TGS1: variants seen among roughly 807,000 people sequenced by gnomAD.
TGS1 encodes the protein trimethylguanosine synthase 1.
Under a neutral mutation model 92.2 loss-of-function variants are expected in TGS1, and 69 were observed. The ratio of observed to expected loss-of-function variants is 0.75; its 90% CI spans 0.62 to 0.91. The LOEUF is 0.91. TGS1 is among the 40% of genes least tolerant of loss of function. TGS1 has a pLI of 0.00. For missense variants in TGS1, 1,062 were observed against 1,001.2 expected (o/e 1.06, Z -0.82); for synonymous variants, 345 against 338.1 (o/e 1.02, Z -0.22).
At position 55,786,911 on chromosome 8, in the gene TGS1, C is replaced by G; in HGVS notation, c.1013C>G (p.Ser338Cys). ...SEEVTQSQLD[S>C]CTSHDGHQQL... ...GAAGTAACACAGAGCCAATTAGATT[C>G]CTGTACAAGTCATGATGGTCATCAA... Residue 338 changes from serine to cysteine, a missense_variant, in exon 4 of 13, where the codon TCC becomes TGC. Coordinates refer to ENST00000260129, the MANE Select transcript of TGS1 (RefSeq NM_024831.8). The G allele has an allele frequency of 6.2e-7, 1 of 1,614,078 alleles. No homozygotes were observed. Among genetic ancestry groups the G allele is most frequent in the Middle Eastern group, 1.6e-4 (1 of 6,062 alleles).
chr8:55,787,592 T>C (rs372349877), intron 4 of TGS1, among the ~76,000 whole-genome samples: 5 of 152,188 alleles, frequency 3.3e-5, no homozygotes, highest in East Asian at 3.8e-4. Context: ...CCTGAATAAC[T>C]GATCCAAAAA....
At chr8:55,783,182 G>T (rs1295794010) in intron 2 of TGS1, among the ~76,000 whole-genome samples, 1 of 152,160 alleles carries the variant, frequency 6.6e-6, no homozygotes, top group Non-Finnish European at 1.5e-5. Flanking sequence ...ATTTTGGGAG[G>T]CCAAGGCAAG....
Position 55,824,896 on chromosome 8 carries a change from A to T in TGS1, c.*193A>T. ...TGAATAATTCCTTTAGAGGAATTAT[A>T]CAAAATTAATATATATGAGTCCTTT... On this transcript the variant is annotated 3_prime_UTR_variant, in exon 13 of 13. Transcript: ENST00000260129. 5.0e-6 allele frequency: 3 copies of T among 604,274 alleles called. No individual in the cohort carries two copies. The highest frequency in any genetic ancestry group is 8.3e-6 in the Non-Finnish European group (3 of 362,308). 37.4% of individuals were successfully genotyped at this position (604,274 alleles called of 1,614,324 possible). A position where few individuals can be genotyped will look rare whatever the true frequency, so the allele number is the denominator to read the frequency against.
Position 55,780,872 on chromosome 8 carries a change from GGCCAGAGTTCCCAGTGGGGAACT to G in TGS1, c.102-1875_102-1853del, listed in dbSNP as rs1296967283. ...TTGGTGCTGATATTGTCTCTGATTT[GGCCAGAGTTCCCAGTGGGGAACT>G]CTTTGAAGTGGCTCCTGTGTCCTTT... On this transcript the variant is annotated intron_variant, in intron 1 of 12. Coordinates refer to ENST00000260129, the MANE Select transcript of TGS1 (RefSeq NM_024831.8). Among the ~76,000 whole-genome samples the G allele has an allele frequency of 3.3e-5, 5 of 152,108 alleles. No homozygotes were observed. In the East Asian group the frequency reaches 9.6e-4, roughly 29 times the overall value.
At chr8:55,788,652 C>T (rs766382626) in intron 4 of TGS1, among the ~76,000 whole-genome samples, 3 of 151,782 alleles carry the variant, frequency 2.0e-5, no homozygotes, top group Non-Finnish European at 4.4e-5. Flanking sequence ...TTAGTAGATA[C>T]GGGGTTTCAC....
chr8:55,776,361 A>C (rs1399564952), intron 1 of TGS1, among the ~76,000 whole-genome samples: 3 of 150,170 alleles, frequency 2.0e-5, no homozygotes, highest in Non-Finnish European at 3.0e-5. Flanking sequence ...GCTCACTGCA[A>C]GCTCCACCCC....
intron 1 of TGS1, among the ~76,000 whole-genome samples, chr8:55,780,012 A>G (rs1427083193): frequency 6.6e-6 from 1 of 151,698 alleles, no homozygotes; most frequent in Non-Finnish European, 1.5e-5. Flanking sequence ...CCACACTACC[A>G]CACCCAGCTA....
intron 1 of TGS1, among the ~76,000 whole-genome samples, chr8:55,780,445 G>C (rs1811531827): frequency 6.6e-6 from 1 of 152,156 alleles, no homozygotes; most frequent in Admixed American, 6.6e-5. Context: ...CCACAGAAAT[G>C]ATGCTATGCC....
chr8:55,798,502 A>G (rs141062175), intron 7 of TGS1, among the ~76,000 whole-genome samples: 169 of 152,328 alleles, frequency 1.1e-3, no homozygotes, highest in African/African-American at 4.0e-3. Flanking sequence ...CATAGATTGT[A>G]GCTTGACCAT....
At chr8:55,813,358 T>C (rs891113292) in intron 12 of TGS1, among the ~76,000 whole-genome samples, 1 of 152,246 alleles carries the variant, frequency 6.6e-6, no homozygotes, top group Non-Finnish European at 1.5e-5. Flanking sequence ...ACTAGACATA[T>C]TGAAAGGATG....
chr8:55,794,865 C>CAGA (rs1811995953), intron 6 of TGS1, among the ~76,000 whole-genome samples: 2 of 152,162 alleles, frequency 1.3e-5, no homozygotes, highest in African/African-American at 4.8e-5. Flanking sequence ...TCCTACTTAT[C>CAGA]TGTTTCATAA....
chr8:55,775,102 A>T (rs568334559), intron 1 of TGS1, among the ~76,000 whole-genome samples: 60 of 151,418 alleles, frequency 4.0e-4, no homozygotes, highest in African/African-American at 5.8e-4. Context: ...TTTTTTTTTA[A>T]AATTAGCCAG....
intron 1 of TGS1, among the ~76,000 whole-genome samples, chr8:55,778,034 G>C (rs1272500916): frequency 6.6e-6 from 1 of 152,096 alleles, no homozygotes; most frequent in African/African-American, 2.4e-5. Flanking sequence ...TACTTCAGGA[G>C]GTTGAGACAG....
intron 11 of TGS1, 51 bp downstream of exon 11, chr8:55,811,148 A>C (rs2130227853): frequency 1.2e-6 from 1 of 840,792 alleles, no homozygotes; most frequent in Non-Finnish European, 1.8e-6. Context: ...TGTGGAGAGA[A>C]AGGAGCATGA....
chr8:55,824,929 A>T lies in TGS1; in HGVS notation c.*226A>T, dbSNP rs1026474510. On this transcript the variant is annotated 3_prime_UTR_variant, in exon 13 of 13. Transcript: ENST00000260129. ...AATATATATGAGTCCTTTGTAATTT[A>T]TTTTTTTTTGAGACAGGATCTCACT... is the stretch of plus-strand genomic sequence containing the variant. 12 of 424,784 alleles carry T rather than the reference A, an allele frequency of 2.8e-5. No homozygotes were observed. The highest frequency in any genetic ancestry group is 4.4e-5 in the Non-Finnish European group (11 of 247,830). 26.3% of individuals were successfully genotyped at this position (424,784 alleles called of 1,614,324 possible). A position where few individuals can be genotyped will look rare whatever the true frequency, so the allele number is the denominator to read the frequency against.
chr8:55,811,082 T>C lies in TGS1; in HGVS notation c.2345T>C (p.Met782Thr), dbSNP rs550677654. ...ATAETFDIRT[M>T]MSPDGFEIFR... The stretch of plus-strand genomic sequence containing the variant: ...GCAGAGACCTTTGACATTAGAACAA[T>C]GATGTCTCCTGATGGATATCCTTTG... Residue 782 changes from methionine to threonine, a missense_variant, in exon 11 of 13, where the codon ATG becomes ACG. Coordinates refer to ENST00000260129, the MANE Select transcript of TGS1 (RefSeq NM_024831.8). 7 of 1,612,010 alleles carry C rather than the reference T, an allele frequency of 4.3e-6. No individual in the cohort carries two copies. In the South Asian group the frequency reaches 7.7e-5, roughly 18 times the overall value.
intron 6 of TGS1, among the ~76,000 whole-genome samples, 169 bp downstream of exon 6, chr8:55,792,953 A>G (rs569197225): frequency 6.6e-6 from 1 of 152,358 alleles, no homozygotes; most frequent in African/African-American, 2.4e-5. Context: ...TGATGTGTTC[A>G]TATGCTTTAA....
chr8:55,774,913 T>G (rs1811343522), intron 1 of TGS1, among the ~76,000 whole-genome samples: 1 of 152,042 alleles, frequency 6.6e-6, no homozygotes, highest in South Asian at 2.1e-4. Context: ...CTGAACTCAG[T>G]AAAGGCCTTG....
At chr8:55,802,670 T>A in intron 9 of TGS1, 64 bp downstream of exon 9, 1 of 1,470,906 alleles carries the variant, frequency 6.8e-7, no homozygotes, top group Non-Finnish European at 9.2e-7. Context: ...AAGAAAGTTA[T>A]AAGAATAATA....
Sources: allele counts gnomAD v4.1 joint callset (sites outside exome capture counted in the v4.1 genomes callset), GRCh38; gene constraint gnomAD v4.1.1; transcripts MANE v1.5; gene names NCBI Gene and HGNC (gene_info 2026-07-23, HGNC 2026-07-21).